The following TGFA variants were observed in gnomAD, a reference collection of about 807,000 sequenced individuals.
TGFA encodes the protein protransforming growth factor alpha.
A neutral mutation model predicts 21.7 loss-of-function variants in TGFA; 12 were observed. The observed-to-expected ratio is 0.55, with a 90% confidence interval of 0.35 to 0.90. TGFA has a LOEUF of 0.90. Among genes scored for constraint, TGFA ranks in the 40% least tolerant of loss-of-function variants. The pLI is 0.01. For missense variants in TGFA, 178 were observed against 210.8 expected (o/e 0.84, Z 0.96); for synonymous variants, 79 against 88.1 (o/e 0.90, Z 0.58).
chr2:70,470,915 C>T (rs971603815), intron 2 of TGFA, among the ~76,000 whole-genome samples: 13 of 151,976 alleles, frequency 8.6e-5, no homozygotes, highest in Non-Finnish European at 1.5e-4. Context: ...TCAAAAGTTT[C>T]AAGACATTTT....
intron 1 of TGFA, among the ~76,000 whole-genome samples, chr2:70,515,726 CCT>C (rs1203689720): frequency 6.6e-6 from 1 of 152,058 alleles, no homozygotes; most frequent in Non-Finnish European, 1.5e-5. Flanking sequence ...CATGCCGTAC[CCT>C]GAGATGCCAT....
At chr2:70,524,718 C>A (rs184949468) in intron 1 of TGFA, among the ~76,000 whole-genome samples, 6 of 152,148 alleles carry the variant, frequency 3.9e-5, no homozygotes, top group Admixed American at 3.9e-4. Context: ...AAGGGGATGG[C>A]GGCAGTGGGC....
chr2:70,524,426 G>A (rs1409089838), intron 1 of TGFA, among the ~76,000 whole-genome samples: 1 of 152,242 alleles, frequency 6.6e-6, no homozygotes, highest in African/African-American at 2.4e-5. Flanking sequence ...CTCTTCCCCA[G>A]GCCTGCTCAC....
At position 70,448,303 on chromosome 2, in the gene TGFA, C is replaced by T. The variant is rs1298117638; in HGVS notation, c.*2556G>A. ...CAGGCTCCATAAGAGTATTGGAGGC[C>T]TTTTAAAAAATGTTTGTTATTTTTT... On this transcript the variant is annotated 3_prime_UTR_variant, in exon 6 of 6. Transcript: ENST00000295400. The T allele has an allele frequency of 8.5e-5, 13 of 152,120 alleles. No individual in the cohort carries two copies. The highest frequency in any genetic ancestry group is 7.4e-5 in the Non-Finnish European group (5 of 68,026). 9.4% of individuals were successfully genotyped at this position (152,120 alleles called of 1,614,324 possible).
intron 2 of TGFA, among the ~76,000 whole-genome samples, chr2:70,504,467 C>T (rs112787812): frequency 0.25 from 19,634 of 78,678 alleles, 2,894 homozygotes; most frequent in Non-Finnish European, 0.32. Flanking sequence ...TATATATACA[C>T]ACATACATAC....
At chr2:70,525,718 TACTC>T in intron 1 of TGFA, among the ~76,000 whole-genome samples, 1 of 152,136 alleles carries the variant, frequency 6.6e-6, no homozygotes, top group South Asian at 2.1e-4. Flanking sequence ...TACTCAGATT[TACTC>T]CCTTTCACTG....
At chr2:70,521,253 C>A (rs963540910) in intron 1 of TGFA, among the ~76,000 whole-genome samples, 20 of 152,278 alleles carry the variant, frequency 1.3e-4, no homozygotes, top group African/African-American at 4.3e-4. Flanking sequence ...GCATGCATAA[C>A]CTGATCCTAG....
At chr2:70,467,461 G>A (rs1310966339) in intron 2 of TGFA, 2 of 152,214 alleles carry the variant, frequency 1.3e-5, no homozygotes, top group Non-Finnish European at 2.9e-5. Flanking sequence ...GCACCGTCAT[G>A]CACAACAGAC....
At chr2:70,500,692 C>A in intron 2 of TGFA, among the ~76,000 whole-genome samples, 1 of 152,300 alleles carries the variant, frequency 6.6e-6, no homozygotes, top group Middle Eastern at 3.4e-3. Context: ...TCTGGTGCTA[C>A]CTCCACTGTA....
In TGFA at chr2:70,449,082, G is replaced by A. The variant is rs536683132; in HGVS notation, c.*1777C>T. On this transcript the variant is annotated 3_prime_UTR_variant, in exon 6 of 6. Coordinates refer to ENST00000295400, the MANE Select transcript of TGFA (RefSeq NM_003236.4). ...AAAAACCTGGAGCTGTGTCAACTAC[G>A]TTGCTAGGGGGTCAGCTCTGAACAG... 1.8e-4 allele frequency: 27 copies of A among 152,278 alleles called. No homozygotes were observed. Among genetic ancestry groups the A allele is most frequent in the South Asian group, 1.5e-3 (7 of 4,826 alleles). 9.4% of individuals were successfully genotyped at this position (152,278 alleles called of 1,614,324 possible).
intron 1 of TGFA, 93 bp downstream of exon 1, chr2:70,553,635 G>T: frequency 7.6e-7 from 1 of 1,308,312 alleles, no homozygotes. Flanking sequence ...TCTCCCAGGC[G>T]GGCGCAGAAA....
At chr2:70,539,680 C>A (rs1673081582) in intron 1 of TGFA, among the ~76,000 whole-genome samples, 1 of 152,170 alleles carries the variant, frequency 6.6e-6, no homozygotes. Context: ...GTCTTGAACT[C>A]CTGACCTCAA....
intron 1 of TGFA, among the ~76,000 whole-genome samples, chr2:70,539,856 T>C (rs762106088): frequency 1.3e-5 from 2 of 152,306 alleles, no homozygotes; most frequent in South Asian, 2.1e-4. Flanking sequence ...CCTTTTTCAT[T>C]CTCTAGTTGT....
At chr2:70,527,977 G>A (rs1672690405) in intron 1 of TGFA, among the ~76,000 whole-genome samples, 1 of 152,204 alleles carries the variant, frequency 6.6e-6, no homozygotes, top group Non-Finnish European at 1.5e-5. Flanking sequence ...AGTCGTGGAT[G>A]AGCAGCCTTG....
rs146183100 is a variant in TGFA at position 70,451,083 on chromosome 2, AAGTGAGTG to A, written c.476-225_476-218del. On this transcript the variant is annotated intron_variant, in intron 5 of 5. Coordinates refer to ENST00000295400, the MANE Select transcript of TGFA (RefSeq NM_003236.4). ...AAAGGAAGCTAGAGAGACTGATTGA[AAGTGAGTG>A]AGTGAGTGAGTGATAGCAGAAGGAA... 8.2e-3 allele frequency among the ~76,000 whole-genome samples: 1,246 copies of A among 152,200 alleles called. 19 individuals are homozygous for A. The highest frequency in any genetic ancestry group is 0.028 in the African/African-American group (1,163 of 41,518).
intron 1 of TGFA, among the ~76,000 whole-genome samples, chr2:70,541,451 A>G (rs1673128621): frequency 6.6e-6 from 1 of 152,218 alleles, no homozygotes; most frequent in Non-Finnish European, 1.5e-5. Context: ...TGGCAGTTAA[A>G]TCTAGTAAGA....
At chr2:70,545,242 AGAAGACGAAGAT>A (rs1441943319) in intron 1 of TGFA, among the ~76,000 whole-genome samples, 1 of 152,122 alleles carries the variant, frequency 6.6e-6, no homozygotes, top group Non-Finnish European at 1.5e-5. Context: ...AAGAAGACAA[AGAAGACGAAGAT>A]GAAGACGAAG....
intron 3 of TGFA, among the ~76,000 whole-genome samples, chr2:70,462,114 T>A (rs1553491537): frequency 6.6e-6 from 1 of 152,090 alleles, no homozygotes; most frequent in African/African-American, 2.4e-5. Context: ...GACCTCAGGG[T>A]ATGTCAGGCT....
At chr2:70,542,737 T>G (rs1263801611) in intron 1 of TGFA, among the ~76,000 whole-genome samples, 1 of 152,228 alleles carries the variant, frequency 6.6e-6, no homozygotes, top group Non-Finnish European at 1.5e-5. Flanking sequence ...GTGGCATTGC[T>G]ATAACAACTG....
Sources: allele counts gnomAD v4.1 joint callset (sites outside exome capture counted in the v4.1 genomes callset), GRCh38; gene constraint gnomAD v4.1.1; transcripts MANE v1.5; gene names NCBI Gene and HGNC (gene_info 2026-07-23, HGNC 2026-07-21).